The following MYO15A variants were observed in gnomAD, a reference collection of about 807,000 sequenced individuals.
MYO15A encodes the protein unconventional myosin-XV.
In MYO15A, 308 loss-of-function variants were observed where a neutral mutation model predicts 394.6. That is an observed-to-expected ratio of 0.78 (90% CI 0.71 to 0.86). The LOEUF is 0.86. Among genes scored for constraint, MYO15A ranks in the 40% least tolerant of loss-of-function variants. The probability of loss-of-function intolerance (pLI) is 0.00; values close to 1 mark genes in which losing one functional copy is unlikely to be tolerated. For missense variants in MYO15A, 4,606 were observed against 4,799.1 expected (o/e 0.96, Z 1.19); for synonymous variants, 1,957 against 2,003.8 (o/e 0.98, Z 0.62).
chr17:18,120,646 G>T lies in MYO15A; in HGVS notation c.1846G>T (p.Gly616Cys). The T allele has an allele frequency of 1.9e-6, 3 of 1,594,580 alleles. No individual in the cohort carries two copies. Among genetic ancestry groups the T allele is most frequent in the Non-Finnish European group, 2.6e-6 (3 of 1,174,074 alleles). Reference sequence around the variant, plus strand: ...CAAACGCTTCGGCTACAAGCTGGCTGGCATGGACCCCGAGAAGCCCGGCAC... The same window carrying T: ...CAAACGCTTCGGCTACAAGCTGGCTTGCATGGACCCCGAGAAGCCCGGCAC... The part of the protein sequence containing the change: ...AYKRFGYKLA[G>C]MDPEKPGTPI... Residue 616 changes from glycine to cysteine, a missense_variant, in exon 2 of 66, where the codon GGC becomes TGC. Physicochemically the swap from Gly to Cys is radical, Grantham distance 159. Coordinates refer to ENST00000647165, the MANE Select transcript of MYO15A (RefSeq NM_016239.4).
chr17:18,155,032 C>T, intron 45 of MYO15A, 78 bp from the exon 46 acceptor site: 28 of 1,390,338 alleles, frequency 2.0e-5, no homozygotes, highest in Non-Finnish European at 2.8e-5. Context: ...TATCAGCCAC[C>T]TCCCTCCCTG....
rs376438000 is a variant in MYO15A at position 18,122,257 on chromosome 17, C to T, written c.3457C>T (p.Arg1153Cys). 5.6e-6 allele frequency: 9 copies of T among 1,612,998 alleles called. No individual in the cohort carries two copies. Among genetic ancestry groups the T allele is most frequent in the African/African-American group, 5.3e-5 (4 of 74,940 alleles). The change falls in exon 2 of 66, where the codon CGC becomes TGC. Residue 1153 changes from arginine to cysteine, a missense_variant. By Grantham distance (180) the Arg-to-Cys change is radical. Around this residue, in one of 2 missense-constraint regions of MYO15A, gnomAD observed 1,830 missense variants for 1,689.7 expected, o/e 1.08. Coordinates refer to ENST00000647165, the MANE Select transcript of MYO15A (RefSeq NM_016239.4). ...CCCCAAGCCAAGAGCCTGTAGTCTTCGCTGGTCCTGCCTCTGGCTTCGGGC... is the reference window on the plus strand; with the variant it reads ...CCCCAAGCCAAGAGCCTGTAGTCTTTGCTGGTCCTGCCTCTGGCTTCGGGC... ...QDPKPRACSLRWSCLWLRADA... is the reference protein window; with the variant it reads ...QDPKPRACSLCWSCLWLRADA...
In MYO15A at chr17:18,120,118, G is replaced by C. The variant is rs766577271; in HGVS notation, c.1318G>C (p.Asp440His). 1.9e-6 allele frequency: 3 copies of C among 1,612,790 alleles called. No homozygotes were observed. The highest frequency in any genetic ancestry group is 1.7e-5 in the Admixed American group (1 of 60,024). Residue 440 changes from aspartate (D) to histidine (H), a missense_variant, in exon 2 of 66, where the codon GAC becomes CAC. Asp to His is a moderately conservative substitution (Grantham distance 81). Around this residue, in one of 2 missense-constraint regions of MYO15A, gnomAD observed 1,830 missense variants for 1,689.7 expected, o/e 1.08. Coordinates refer to ENST00000647165, the MANE Select transcript of MYO15A (RefSeq NM_016239.4). ...DDIAELEEPE[D>H]AGVERQGTSF... ...CATCGCCGAGCTGGAGGAACCAGAG[G>C]ACGCGGGCGTAGAGCGTCAGGGGAC...
chr17:18,135,710 G>A lies in MYO15A; in HGVS notation c.4483-1G>A. ...CACATTCCTGTTGGTATTTTGCATA[G>A]ACGGATGCACAGGAGGTGGCCTCAG... On this transcript the variant is annotated splice_acceptor_variant, in intron 12 of 65. Coordinates refer to ENST00000647165, the MANE Select transcript of MYO15A (RefSeq NM_016239.4). LOFTEE classifies it high-confidence loss of function. The A allele has an allele frequency of 6.2e-7, 1 of 1,613,814 alleles. No individual in the cohort carries two copies.
At chr17:18,177,332 C>G (rs1447714581) in intron 65 of MYO15A, 1 of 152,296 alleles carries the variant, frequency 6.6e-6, no homozygotes, top group Non-Finnish European at 1.5e-5. Context: ...GAGGTGATGT[C>G]TAAGTGCAGC....
intron 62 of MYO15A, among the ~76,000 whole-genome samples, chr17:18,168,854 T>C (rs1036738541): frequency 1.3e-5 from 2 of 151,346 alleles, no homozygotes; most frequent in Non-Finnish European, 2.9e-5. Flanking sequence ...GTAATCCCAG[T>C]ACTTTGGGAG....
rs2045876239 is a variant in MYO15A at position 18,119,876 on chromosome 17, C to T, written c.1076C>T (p.Pro359Leu). The change falls in exon 2 of 66, where the codon CCA becomes CTA. Residue 359 changes from proline (P) to leucine (L), a missense_variant. Pro to Leu is a moderately conservative substitution (Grantham distance 98). Around this residue, in one of 2 missense-constraint regions of MYO15A, gnomAD observed 1,830 missense variants for 1,689.7 expected, o/e 1.08. Transcript: ENST00000647165. Reference sequence around the variant, plus strand: ...GCGCCATACCCACCCTATGACCTCCCATACCACACTCCCTACGATGTACCC... The same window carrying T: ...GCGCCATACCCACCCTATGACCTCCTATACCACACTCCCTACGATGTACCC... The part of the protein sequence containing the change: ...YDAPYPPYDL[P>L]YHTPYDVPYF... 1 of 1,613,116 alleles carries T rather than the reference C, an allele frequency of 6.2e-7. No individual in the cohort carries two copies. The highest frequency in any genetic ancestry group is 1.3e-5 in the African/African-American group (1 of 74,916).
intron 34 of MYO15A, 38 bp downstream of exon 34, chr17:18,149,414 A>G (rs1597801682): frequency 1.2e-6 from 2 of 1,611,778 alleles, no homozygotes; most frequent in Non-Finnish European, 1.7e-6. Flanking sequence ...GTGGGGAGGG[A>G]GCCTTAGAGG....
chr17:18,149,484 A>T lies in MYO15A; in HGVS notation c.7118-2A>T. On this transcript the variant is annotated splice_acceptor_variant, in intron 34 of 65. Coordinates refer to ENST00000647165, the MANE Select transcript of MYO15A (RefSeq NM_016239.4). LOFTEE classifies it high-confidence loss of function. ...TTGACATTTTTGTGCCTTCCCCTCC[A>T]GAGTCAGACAGTCTTGGAGAGCCTG... 1 of 1,614,194 alleles carries T rather than the reference A, an allele frequency of 6.2e-7. No homozygotes were observed. Among genetic ancestry groups the T allele is most frequent in the Non-Finnish European group, 8.5e-7 (1 of 1,180,030 alleles).
intron 1 of MYO15A, among the ~76,000 whole-genome samples, chr17:18,112,355 C>T (rs1000747100): frequency 1.3e-5 from 2 of 152,080 alleles, no homozygotes; most frequent in African/African-American, 4.8e-5. Flanking sequence ...TGTTTCCACT[C>T]AGTCTCCAAT....
chr17:18,125,545 A>C (rs1567629333), intron 4 of MYO15A: 4 of 354,274 alleles, frequency 1.1e-5, no homozygotes, highest in Non-Finnish European at 1.6e-5. Flanking sequence ...ATACAAAAAA[A>C]AAAAAAAATT....
chr17:18,116,479 C>T (rs1407286386), intron 1 of MYO15A, among the ~76,000 whole-genome samples: 1 of 152,238 alleles, frequency 6.6e-6, no homozygotes, highest in Non-Finnish European at 1.5e-5. Context: ...GTTTCCTCAT[C>T]CGGAGAATGG....
intron 50 of MYO15A, chr17:18,157,499 C>A: frequency 2.0e-6 from 2 of 1,009,436 alleles, no homozygotes; most frequent in Non-Finnish European, 2.8e-6. Flanking sequence ...ACAAACCCTG[C>A]TTTGCCTTTT....
At position 18,122,179 on chromosome 17, in the gene MYO15A, T is replaced by A. The variant is rs1424626078; in HGVS notation, c.3379T>A (p.Phe1127Ile). The change falls in exon 2 of 66, where the codon TTC (phenylalanine) becomes ATC (isoleucine). Residue 1127 changes from phenylalanine to isoleucine, a missense_variant. Phe to Ile is a conservative substitution (Grantham distance 21). This residue lies in a region of MYO15A where 1,830 missense variants were observed against 1,689.7 expected (regional missense o/e 1.08). Transcript: ENST00000647165. The part of the protein sequence containing the change: ...VMPRVQKLSS[F>I]QRVGPATLKP... ...GCCTCGTGTGCAGAAGCTGAGCTCT[T>A]TCCAGCGAGTTGGGCCTGCAACCCT... 1 of 1,613,094 alleles carries A rather than the reference T, an allele frequency of 6.2e-7. No homozygotes were observed. The highest frequency in any genetic ancestry group is 8.5e-7 in the Non-Finnish European group (1 of 1,179,992).
At chr17:18,151,620 C>A in intron 40 of MYO15A, 93 bp downstream of exon 40, 1 of 1,522,380 alleles carries the variant, frequency 6.6e-7, no homozygotes, top group Non-Finnish European at 9.1e-7. Flanking sequence ...AAGCGCCCTG[C>A]CCAGCTCCTG....
At chr17:18,144,463 C>A in intron 28 of MYO15A, 34 bp from the exon 29 acceptor site, 1 of 1,547,010 alleles carries the variant, frequency 6.5e-7, no homozygotes, top group Non-Finnish European at 8.9e-7. Flanking sequence ...GTCAGTCCAG[C>A]TCTGTCTGCT....
chr17:18,155,559 A>G (rs1243683998), intron 47 of MYO15A, 127 bp downstream of exon 47: 1 of 910,264 alleles, frequency 1.1e-6, no homozygotes, highest in African/African-American at 1.6e-5. Flanking sequence ...AAGCCATTGA[A>G]GCAAACCCAT....
rs2046508760 is a variant in MYO15A at position 18,147,973 on chromosome 17, A to T, written c.6510-56A>T. The T allele has an allele frequency of 6.2e-7, 1 of 1,608,638 alleles. No homozygotes were observed. The highest frequency in any genetic ancestry group is 1.1e-5 in the South Asian group (1 of 90,782). On this transcript the variant is annotated intron_variant, in intron 30 of 65. Transcript: ENST00000647165. The surrounding 1 kb of genome is among the most constrained non-coding windows in gnomAD (Gnocchi z 4.4). Reference sequence around the variant, plus strand: ...TTCCTACCCCCACCCCGCAGCCCTCAGCCCCAAGCTAGCTTCAGATCCTTC... The same window carrying T: ...TTCCTACCCCCACCCCGCAGCCCTCTGCCCCAAGCTAGCTTCAGATCCTTC...
chr17:18,137,742 C>T (rs1203050391), intron 16 of MYO15A, 63 bp downstream of exon 16: 1 of 1,530,810 alleles, frequency 6.5e-7, no homozygotes. Context: ...TCCTTGGAGA[C>T]AGATGAGGAT....
Sources: gnomAD v4.1 joint callset for allele counts (sites outside exome capture counted in the v4.1 genomes callset) on GRCh38, gnomAD v4.1.1 for gene constraint, gnomAD v4.1.1 regional missense constraint, Gnocchi (gnomAD v3.1) non-coding constraint, MANE v1.5 for transcripts, NCBI Gene and HGNC (gene_info 2026-07-23, HGNC 2026-07-21) for gene names.